CSMD2: variants seen among roughly 807,000 people sequenced by gnomAD.
CSMD2 encodes CUB and Sushi multiple domains 2, also known as CUB and sushi domain-containing protein 2.
CSMD2 carries 130 observed loss-of-function variants against 398.5 expected under a neutral mutation model. The ratio of observed to expected loss-of-function variants is 0.33; its 90% CI spans 0.28 to 0.38. The LOEUF is 0.38. CSMD2 is among the 10% of genes least tolerant of loss of function. The pLI, the probability that CSMD2 is intolerant of heterozygous loss-of-function variation, is 1.00. For missense variants in CSMD2, 3,829 were observed against 4,764.9 expected (o/e 0.80, Z 5.78); for synonymous variants, 1,828 against 1,908.5 (o/e 0.96, Z 1.10).
At chr1:33,992,839 T>C (rs1436553178) in intron 3 of CSMD2, among the ~76,000 whole-genome samples, 1 of 143,900 alleles carries the variant, frequency 6.9e-6, no homozygotes, top group Non-Finnish European at 1.5e-5. Context: ...ATCGTGCCAC[T>C]GCACTCCAGC....
chr1:33,800,710 G>C (rs910050324), intron 10 of CSMD2, among the ~76,000 whole-genome samples: 1 of 152,188 alleles, frequency 6.6e-6, no homozygotes, highest in Non-Finnish European at 1.5e-5. Context: ...AAGCGGGCAG[G>C]GTTTGTCTTC....
intron 2 of CSMD2, among the ~76,000 whole-genome samples, chr1:34,081,759 C>T (rs1657170383): frequency 6.6e-6 from 1 of 152,208 alleles, no homozygotes; most frequent in East Asian, 1.9e-4. Context: ...ACAACCTCCA[C>T]CTCCCAGCCG....
At chr1:33,943,351 A>G (rs898133872) in intron 3 of CSMD2, among the ~76,000 whole-genome samples, 3 of 152,030 alleles carry the variant, frequency 2.0e-5, no homozygotes. Context: ...TCATCTGGCA[A>G]ACTCCATCAA....
chr1:34,134,421 C>T (rs939607083), intron 1 of CSMD2, among the ~76,000 whole-genome samples: 7 of 152,118 alleles, frequency 4.6e-5, no homozygotes, highest in Non-Finnish European at 1.0e-4. Flanking sequence ...CACTACATTA[C>T]CATAGTAACA....
chr1:33,614,403 A>C, intron 40 of CSMD2, 101 bp downstream of exon 40: 2 of 727,328 alleles, frequency 2.7e-6, no homozygotes, highest in Non-Finnish European at 2.5e-6. Flanking sequence ...TACTAAACAG[A>C]CTTGGCCCAA....
At chr1:33,941,874 T>C (rs1386873340) in intron 3 of CSMD2, among the ~76,000 whole-genome samples, 2 of 151,976 alleles carry the variant, frequency 1.3e-5, no homozygotes, top group Non-Finnish European at 2.9e-5. Flanking sequence ...ATATATGTCA[T>C]ATATAAAGTT....
intron 20 of CSMD2, among the ~76,000 whole-genome samples, chr1:33,715,024 G>A (rs897373848): frequency 2.6e-5 from 4 of 152,160 alleles, no homozygotes; most frequent in Admixed American, 6.5e-5. Context: ...AGAGAAGCAC[G>A]GGGAGGCCAG....
chr1:33,809,394 A>C (rs1263651710), intron 10 of CSMD2, among the ~76,000 whole-genome samples: 1 of 152,040 alleles, frequency 6.6e-6, no homozygotes, highest in African/African-American at 2.4e-5. Context: ...CTAAGAGAAT[A>C]AAGGAGAAAA....
At chr1:33,642,205 G>T (rs1236336560) in intron 29 of CSMD2, among the ~76,000 whole-genome samples, 1 of 151,930 alleles carries the variant, frequency 6.6e-6, no homozygotes, top group African/African-American at 2.4e-5. Context: ...AAACTAGCCG[G>T]GTGTGGTGAT....
In CSMD2 at chr1:34,052,637, A is replaced by T. The variant is rs1460161753; in HGVS notation, c.405-19931T>A. Among the ~76,000 whole-genome samples the T allele has an allele frequency of 1.5e-4, 23 of 151,912 alleles. 1 individual carries two copies. Among genetic ancestry groups the T allele is most frequent in the Admixed American group, 1.5e-3 (23 of 15,222 alleles). On this transcript the variant is annotated intron_variant, in intron 2 of 70. Coordinates refer to ENST00000373381, the MANE Select transcript of CSMD2 (RefSeq NM_001281956.2). ...TAACACAGCTCATTTATATGTGTGTACTTGTTAATTGCCTATCTTCCTCTA... is the reference window on the plus strand; with the variant it reads ...TAACACAGCTCATTTATATGTGTGTTCTTGTTAATTGCCTATCTTCCTCTA...
chr1:33,934,152 T>A (rs1041057571), intron 4 of CSMD2, among the ~76,000 whole-genome samples: 21 of 152,130 alleles, frequency 1.4e-4, no homozygotes, highest in African/African-American at 4.3e-4. Context: ...TTACAGAAAA[T>A]CTTCCTCCAA....
intron 55 of CSMD2, among the ~76,000 whole-genome samples, chr1:33,555,648 G>A (rs1321010758): frequency 6.6e-6 from 1 of 152,184 alleles, no homozygotes; most frequent in African/African-American, 2.4e-5. Flanking sequence ...ACCCCGATCA[G>A]TTTGCAGTCA....
At position 34,019,445 on chromosome 1, in the gene CSMD2, G is replaced by A. The variant is rs566122845; in HGVS notation, c.517+13149C>T. On this transcript the variant is annotated intron_variant, in intron 3 of 70. Transcript: ENST00000373381. ...ATCACAAACAACTGTGTAAGCAATT[G>A]TGAAGGCTAAGCTGCTCCACGTAGA... Among the ~76,000 whole-genome samples, 3 of 152,348 alleles carry A rather than the reference G, an allele frequency of 2.0e-5. No individual in the cohort carries two copies. The East Asian group carries it at 5.8e-4, about 29-fold the overall frequency.
chr1:33,646,775 G>A lies in CSMD2; in HGVS notation c.4647C>T (p.Ser1549=). 1 of 1,614,104 alleles carries A rather than the reference G, an allele frequency of 6.2e-7. No individual in the cohort carries two copies. The change falls in exon 29 of 71, where the codon AGC becomes AGT. Residue 1549 remains serine (S), a synonymous_variant. Transcript: ENST00000373381. The stretch of plus-strand genomic sequence containing the variant: ...AGCCATAGAAGCTTCCTATGAGAGG[G>A]CTGAGAGAGTCCCGTCCGTCGTAGA... ...LHIYDGRDSL[S]PLIGSFYGSQ...
chr1:33,829,435 C>T lies in CSMD2; in HGVS notation c.1034-3661G>A, dbSNP rs143572765. ...ACTTAAAGTTCAGGGTACATGTGCA[C>T]AACGTGCAGTTTTGTTACATATATA... On this transcript the variant is annotated intron_variant, in intron 6 of 70. Transcript: ENST00000373381. Among the ~76,000 whole-genome samples the T allele has an allele frequency of 5.8e-3, 887 of 152,290 alleles. 8 individuals carry two copies. The highest frequency in any genetic ancestry group is 0.021 in the African/African-American group (859 of 41,552).
chr1:33,644,778 A>G (rs1344209908), intron 29 of CSMD2, among the ~76,000 whole-genome samples: 2 of 152,174 alleles, frequency 1.3e-5, no homozygotes, highest in African/African-American at 4.8e-5. Context: ...TCTGTTTGTT[A>G]GAATTCCAAA....
chr1:33,789,644 C>G (rs1653989293), intron 11 of CSMD2, among the ~76,000 whole-genome samples: 1 of 152,186 alleles, frequency 6.6e-6, no homozygotes, highest in Non-Finnish European at 1.5e-5. Flanking sequence ...TCTGCTTCAC[C>G]CAGGGTCTCA....
At chr1:33,997,432 T>C (rs1414973206) in intron 3 of CSMD2, among the ~76,000 whole-genome samples, 1 of 152,204 alleles carries the variant, frequency 6.6e-6, no homozygotes, top group Non-Finnish European at 1.5e-5. Flanking sequence ...TTTGCACATG[T>C]GAATGAGAAG....
intron 57 of CSMD2, among the ~76,000 whole-genome samples, chr1:33,545,696 T>C (rs779222313): frequency 6.6e-6 from 1 of 152,222 alleles, no homozygotes; most frequent in African/African-American, 2.4e-5. Flanking sequence ...ATCCAGACCA[T>C]GGCAGTGTCC....
Sources: allele counts gnomAD v4.1 joint callset (sites outside exome capture counted in the v4.1 genomes callset), GRCh38; gene constraint gnomAD v4.1.1; transcripts MANE v1.5; gene names NCBI Gene and HGNC (gene_info 2026-07-23, HGNC 2026-07-21).